GRM5: variants seen among roughly 807,000 people sequenced by gnomAD.
GRM5 encodes glutamate metabotropic receptor 5.
In GRM5, 19 loss-of-function variants were observed where a neutral mutation model predicts 83.1. The observed-to-expected ratio is 0.23, with a 90% CI of 0.16 to 0.34. The LOEUF is 0.34. GRM5 is among the 10% of genes least tolerant of loss of function. The probability of loss-of-function intolerance (pLI) is 1.00; values close to 1 mark genes in which losing one functional copy is unlikely to be tolerated. For missense variants in GRM5, 1,160 were observed against 1,588.3 expected (o/e 0.73, Z 4.58); for synonymous variants, 675 against 633.6 (o/e 1.07, Z -0.98).
chr11:88,855,741 T>G (rs1944463894), intron 2 of GRM5, among the ~76,000 whole-genome samples: 2 of 151,888 alleles, frequency 1.3e-5, no homozygotes, highest in Admixed American at 6.6e-5. Context: ...TAAAATAGAT[T>G]TCTGTATTAT....
At chr11:88,886,531 A>G (rs1945046830) in intron 2 of GRM5, among the ~76,000 whole-genome samples, 1 of 152,044 alleles carries the variant, frequency 6.6e-6, no homozygotes, top group Admixed American at 6.5e-5. Context: ...ATCCCCCAGT[A>G]CCCATGGGTC....
chr11:88,708,868 G>A (rs1941219979), intron 3 of GRM5, among the ~76,000 whole-genome samples: 1 of 151,958 alleles, frequency 6.6e-6, no homozygotes, highest in African/African-American at 2.4e-5. Context: ...AAATTCCTAG[G>A]AGCCTAATAC....
At chr11:88,979,287 C>A (rs543440197) in intron 2 of GRM5, among the ~76,000 whole-genome samples, 1 of 152,252 alleles carries the variant, frequency 6.6e-6, no homozygotes, top group African/African-American at 2.4e-5. Flanking sequence ...ATCATGATTT[C>A]ATAACGCCGG....
rs1164103317 is a variant in GRM5, at chr11:88,927,604, GAATCCACAC to G, written c.662-77458_662-77450del. ...ACTAAACTTTGTCTCTTGGCAACCA[GAATCCACAC>G]AAATTGGTAGGCACTTTCTCTGGAG... On this transcript the variant is annotated intron_variant, in intron 2 of 9. Transcript: ENST00000305447. Among the ~76,000 whole-genome samples the G allele has an allele frequency of 5.9e-5, 9 of 152,172 alleles. No homozygotes were observed. In the East Asian group the frequency reaches 1.2e-3, roughly 20 times the overall value.
chr11:88,720,786 A>G (rs1456640919), intron 3 of GRM5, among the ~76,000 whole-genome samples: 2 of 144,436 alleles, frequency 1.4e-5, no homozygotes, highest in Non-Finnish European at 3.0e-5. Flanking sequence ...TTTGCAGGAA[A>G]ATCATTACTC....
At chr11:89,044,478 G>C (rs563826340) in intron 2 of GRM5, among the ~76,000 whole-genome samples, 71 of 152,230 alleles carry the variant, frequency 4.7e-4, no homozygotes, top group Non-Finnish European at 6.5e-4. Flanking sequence ...CTGGAATTCT[G>C]TGATGACATA....
intron 3 of GRM5, among the ~76,000 whole-genome samples, chr11:88,689,619 G>A (rs1465742932): frequency 2.6e-5 from 4 of 152,284 alleles, no homozygotes; most frequent in African/African-American, 9.6e-5. Flanking sequence ...CAGTCCCTAA[G>A]ACACTGTTGT....
intron 4 of GRM5, among the ~76,000 whole-genome samples, chr11:88,622,970 T>C (rs1938680860): frequency 6.6e-6 from 1 of 152,210 alleles, no homozygotes; most frequent in South Asian, 2.1e-4. Flanking sequence ...TAAAATTTGA[T>C]GGGAGCATAA....
intron 3 of GRM5, among the ~76,000 whole-genome samples, chr11:88,812,275 G>GC: frequency 7.7e-6 from 1 of 130,604 alleles, no homozygotes; most frequent in South Asian, 2.9e-4. Context: ...CTCTGAAGAG[G>GC]CCCCCAAAAA....
At position 88,810,117 on chromosome 11, in the gene GRM5, G is replaced by C. The variant is rs146066603; in HGVS notation, c.911+39789C>G. On this transcript the variant is annotated intron_variant, in intron 3 of 9. Transcript: ENST00000305447. ...ATCTAATATGATGACTTTCATTATT[G>C]GAGATTAGGCCCCAAGTATGAGAAA... 4.1e-3 allele frequency among the ~76,000 whole-genome samples: 620 copies of C among 152,036 alleles called. 2 individuals are homozygous for C. The highest frequency in any genetic ancestry group is 0.014 in the African/African-American group (583 of 41,516).
chr11:88,876,569 T>C (rs1472992778), intron 2 of GRM5, among the ~76,000 whole-genome samples: 1 of 152,160 alleles, frequency 6.6e-6, no homozygotes, highest in African/African-American at 2.4e-5. Flanking sequence ...ATCGGGGCTT[T>C]TGACACACCT....
chr11:88,525,040 G>A (rs1365292577), intron 9 of GRM5, among the ~76,000 whole-genome samples: 1 of 152,190 alleles, frequency 6.6e-6, no homozygotes, highest in Non-Finnish European at 1.5e-5. Flanking sequence ...AAAACCCAGA[G>A]GAGGACTGAC....
intron 8 of GRM5, among the ~76,000 whole-genome samples, chr11:88,559,009 T>C (rs1181401725): frequency 6.6e-6 from 1 of 151,962 alleles, no homozygotes; most frequent in Non-Finnish European, 1.5e-5. Flanking sequence ...AAAAATATTA[T>C]ACCAAAAAGT....
At chr11:88,953,186 G>A (rs1234710566) in intron 2 of GRM5, among the ~76,000 whole-genome samples, 6 of 152,076 alleles carry the variant, frequency 3.9e-5, no homozygotes, top group East Asian at 3.9e-4. Flanking sequence ...TATTGTTTGC[G>A]GATTGAGGGT....
At chr11:88,709,626 A>C (rs1381635932) in intron 3 of GRM5, among the ~76,000 whole-genome samples, 1 of 152,128 alleles carries the variant, frequency 6.6e-6, no homozygotes, top group East Asian at 1.9e-4. Context: ...AGGAGCCAGC[A>C]TGCTCTAGAC....
At chr11:88,993,084 G>A (rs1341434694) in intron 2 of GRM5, among the ~76,000 whole-genome samples, 1 of 149,864 alleles carries the variant, frequency 6.7e-6, no homozygotes, top group Non-Finnish European at 1.5e-5. Context: ...ATCTAACATA[G>A]TGAAACCCAC....
intron 7 of GRM5, among the ~76,000 whole-genome samples, chr11:88,586,697 A>G (rs1179016420): frequency 1.3e-5 from 2 of 152,204 alleles, no homozygotes; most frequent in Non-Finnish European, 2.9e-5. Context: ...GCTTGCACAC[A>G]GCTATAGGCT....
At chr11:88,887,675 G>T (rs1051842573) in intron 2 of GRM5, among the ~76,000 whole-genome samples, 6 of 152,118 alleles carry the variant, frequency 3.9e-5, no homozygotes, top group Non-Finnish European at 7.4e-5. Flanking sequence ...TCTGTCACAC[G>T]AAAAGGAAGG....
intron 3 of GRM5, among the ~76,000 whole-genome samples, chr11:88,692,065 A>G (rs1408637993): frequency 1.3e-5 from 2 of 151,904 alleles, no homozygotes; most frequent in Admixed American, 6.6e-5. Context: ...GCTGCACACC[A>G]TTTTCTTTTG....
Sources: gnomAD v4.1 joint callset for allele counts (sites outside exome capture counted in the v4.1 genomes callset) on GRCh38, gnomAD v4.1.1 for gene constraint, MANE v1.5 for transcripts, NCBI Gene and HGNC (gene_info 2026-07-23, HGNC 2026-07-21) for gene names.